Variants in ARSG observed in about 807,000 individuals in gnomAD.
The protein encoded by ARSG is arylsulfatase G.
Under a neutral mutation model 50.5 loss-of-function variants are expected in ARSG, and 37 were observed. The observed-to-expected ratio is 0.73, with a 90% CI of 0.56 to 0.96. The LOEUF is 0.96. ARSG is among the 50% of genes least tolerant of loss of function. The pLI is 0.00. For synonymous variants in ARSG, 225 were observed against 254.6 expected (o/e 0.88, Z 1.11); for missense variants, 629 against 675.3 (o/e 0.93, Z 0.76).
chr17:68,450,931 T>C, the ARSG span: 3 of 1,596,828 alleles, frequency 1.9e-6, no homozygotes, highest in Non-Finnish European at 2.6e-6. Flanking sequence ...GTTACATGGA[T>C]TGATCACTTC....
At chr17:68,320,879 G>T (rs1274325139) in intron 2 of ARSG, among the ~76,000 whole-genome samples, 1 of 152,132 alleles carries the variant, frequency 6.6e-6, no homozygotes, top group African/African-American at 2.4e-5. Context: ...TGTGTATGTC[G>T]CATTGTCGTA....
chr17:68,283,955 G>A (rs551028819), intron 1 of ARSG, among the ~76,000 whole-genome samples: 3 of 150,638 alleles, frequency 2.0e-5, no homozygotes, highest in Non-Finnish European at 4.4e-5. Flanking sequence ...AAAATTAGTA[G>A]TAGCACGAGC....
chr17:68,280,533 T>C (rs1002083925), intron 1 of ARSG, among the ~76,000 whole-genome samples: 5 of 152,170 alleles, frequency 3.3e-5, no homozygotes, highest in African/African-American at 1.2e-4. Context: ...AAGACATTCA[T>C]TGGAGAAAGT....
rs1399553674 is a variant in ARSG at position 68,410,517 on chromosome 17, C to T, written c.1303+9067C>T. 1.7e-3 allele frequency among the ~76,000 whole-genome samples: 264 copies of T among 151,436 alleles called. 1 individual carries two copies. The highest frequency in any genetic ancestry group is 5.9e-3 in the African/African-American group (244 of 41,314). On this transcript the variant is annotated intron_variant, in intron 11 of 11. Coordinates refer to ENST00000621439, the MANE Select transcript of ARSG (RefSeq NM_001267727.2). ...AAGCTTTTTGATGTTCTGCTGGATT[C>T]GGTTTGCCAGTATTTTATTGAGGAT...
At chr17:68,347,062 C>T (rs1260591636) in intron 3 of ARSG, 63 bp from the exon 4 acceptor site, 20 of 1,587,788 alleles carry the variant, frequency 1.3e-5, no homozygotes, top group Non-Finnish European at 1.7e-5. Flanking sequence ...TGATCAGCTC[C>T]TCAGGGGGCT....
At chr17:68,330,764 C>T (rs1175884825) in intron 2 of ARSG, among the ~76,000 whole-genome samples, 3 of 152,032 alleles carry the variant, frequency 2.0e-5, no homozygotes, top group Non-Finnish European at 4.4e-5. Flanking sequence ...GCCTGGGAAG[C>T]CCATTGGGCT....
intron 2 of ARSG, among the ~76,000 whole-genome samples, chr17:68,308,752 A>G (rs1159189955): frequency 7.9e-5 from 12 of 152,310 alleles, no homozygotes; most frequent in African/African-American, 2.9e-4. Flanking sequence ...ACAAACCTTG[A>G]GCTAGATACA....
intron 1 of ARSG, chr17:68,274,414 C>A: frequency 5.2e-6 from 1 of 192,692 alleles, no homozygotes; most frequent in Non-Finnish European, 1.1e-5. Flanking sequence ...TGCAGTGAGC[C>A]AAGATTGCAC....
At chr17:68,416,870 C>A (rs1306990681) in intron 11 of ARSG, among the ~76,000 whole-genome samples, 1 of 152,154 alleles carries the variant, frequency 6.6e-6, no homozygotes, top group Non-Finnish European at 1.5e-5. Context: ...TCTCCCTTCA[C>A]TTCTTGTATT....
At chr17:68,309,814 G>A (rs1375717575) in intron 2 of ARSG, among the ~76,000 whole-genome samples, 1 of 151,474 alleles carries the variant, frequency 6.6e-6, no homozygotes, top group Non-Finnish European at 1.5e-5. Context: ...AGCTGAGATC[G>A]CACCACTGCA....
intron 2 of ARSG, among the ~76,000 whole-genome samples, chr17:68,341,036 A>G (rs1344524099): frequency 6.6e-6 from 1 of 152,168 alleles, no homozygotes; most frequent in Non-Finnish European, 1.5e-5. Context: ...ATCACATAAA[A>G]TCGTTTCAAA....
intron 11 of ARSG, among the ~76,000 whole-genome samples, chr17:68,406,067 G>T (rs941731409): frequency 6.6e-6 from 1 of 151,956 alleles, no homozygotes; most frequent in African/African-American, 2.4e-5. Context: ...AGTCCCCAAA[G>T]TCCACTGTGT....
intron 8 of ARSG, among the ~76,000 whole-genome samples, chr17:68,380,353 C>T (rs922205413): frequency 1.3e-5 from 2 of 151,964 alleles, no homozygotes; most frequent in Non-Finnish European, 2.9e-5. Context: ...GCGATCATCC[C>T]ACCTCAGCCT....
At chr17:68,326,327 G>C (rs1555772435) in intron 2 of ARSG, among the ~76,000 whole-genome samples, 1 of 152,142 alleles carries the variant, frequency 6.6e-6, no homozygotes, top group Non-Finnish European at 1.5e-5. Context: ...AGGACAGAGG[G>C]AACACAAAAA....
intron 1 of ARSG, among the ~76,000 whole-genome samples, chr17:68,293,744 A>G (rs1468785235): frequency 6.6e-6 from 1 of 152,128 alleles, no homozygotes; most frequent in South Asian, 2.1e-4. Flanking sequence ...ATGTTTATAG[A>G]TACACACTAG....
intron 1 of ARSG, chr17:68,273,741 G>T: frequency 1.7e-6 from 1 of 581,832 alleles, no homozygotes; most frequent in Non-Finnish European, 2.9e-6. Context: ...GGGCACTTGA[G>T]AACAGATTCC....
At chr17:68,444,634 A>G in the ARSG span, 6 of 1,528,402 alleles carry the variant, frequency 3.9e-6, no homozygotes, top group Non-Finnish European at 5.4e-6. Context: ...GTTCCTTACA[A>G]AGACCCTGAC....
intron 1 of ARSG, chr17:68,272,670 T>G: frequency 6.2e-7 from 1 of 1,614,154 alleles, no homozygotes; most frequent in Non-Finnish European, 8.5e-7. Context: ...CGAAACATTC[T>G]CCTGTGGAAG....
intron 2 of ARSG, among the ~76,000 whole-genome samples, chr17:68,320,361 G>T (rs756168674): frequency 6.6e-6 from 1 of 152,106 alleles, no homozygotes; most frequent in Non-Finnish European, 1.5e-5. Flanking sequence ...AAAGTCAAGA[G>T]GTCATGAGTA....
Sources: gnomAD v4.1 joint callset for allele counts (sites outside exome capture counted in the v4.1 genomes callset) on GRCh38, gnomAD v4.1.1 for gene constraint, MANE v1.5 for transcripts, NCBI Gene and HGNC (gene_info 2026-07-23, HGNC 2026-07-21) for gene names.